ISG20: variants seen among roughly 807,000 people sequenced by gnomAD.
ISG20 encodes the protein interferon stimulated exonuclease gene 20.
ISG20 carries 8 observed loss-of-function variants against 11.1 expected under a neutral mutation model. The ratio of observed to expected loss-of-function variants is 0.72; its 90% CI spans 0.42 to 1.30. The LOEUF (loss-of-function observed/expected upper bound fraction) is 1.30. Among genes scored for constraint, ISG20 ranks in the 50% most tolerant of loss-of-function variants. ISG20 has a pLI of 0.01. For synonymous variants in ISG20, 110 were observed against 101.7 expected (o/e 1.08, Z -0.49); for missense variants, 243 against 250.2 (o/e 0.97, Z 0.19).
Position 88,639,496 on chromosome 15 carries a change from C to G in ISG20, c.130C>G (p.Arg44Gly). 1.2e-6 allele frequency: 2 copies of G among 1,614,188 alleles called. No individual in the cohort carries two copies. Among genetic ancestry groups the G allele is most frequent in the Non-Finnish European group, 1.7e-6 (2 of 1,180,032 alleles). ...HGAVLYDKFI[R>G]PEGEITDYRT... ...TGCTGTGCTGTACGACAAGTTCATC[C>G]GGCCTGAGGGAGAGATCACCGATTA... Residue 44 changes from arginine (R) to glycine (G), a missense_variant, in exon 2 of 4, where the codon CGG becomes GGG. Physicochemically the swap from Arg to Gly is moderately radical, Grantham distance 125. Coordinates refer to ENST00000306072, the MANE Select transcript of ISG20 (RefSeq NM_002201.6). This position sits in a 1 kb window ranked among gnomAD's most constrained non-coding sequence, Gnocchi z 4.2.
chr15:88,643,300 T>C lies in ISG20; in HGVS notation c.228+3706T>C, dbSNP rs2058112979. On this transcript the variant is annotated intron_variant, in intron 2 of 3. Transcript: ENST00000306072. The surrounding 1 kb of genome is among the most constrained non-coding windows in gnomAD (Gnocchi z 4.4). ...ATGTCTCAATAACTTTTATATTGAT[T>C]ACCTGTTGAAATGATAGTATTTTGG... Among the ~76,000 whole-genome samples the C allele has an allele frequency of 2.6e-5, 4 of 152,226 alleles. No individual in the cohort carries two copies. The highest frequency in any genetic ancestry group is 2.4e-5 in the African/African-American group (1 of 41,462).
intron 2 of ISG20, chr15:88,648,500 G>C (rs1026174421): frequency 2.6e-5 from 4 of 152,372 alleles, no homozygotes; most frequent in African/African-American, 9.6e-5. Flanking sequence ...TGTGACCTGG[G>C]TGCACACCGC....
chr15:88,655,117 G>A (rs924984112), intron 3 of ISG20, among the ~76,000 whole-genome samples: 12 of 152,230 alleles, frequency 7.9e-5, no homozygotes, highest in African/African-American at 1.4e-4. Flanking sequence ...CAGCCACTGC[G>A]TGTGTCTGAC....
chr15:88,643,450 T>C lies in ISG20; in HGVS notation c.228+3856T>C, dbSNP rs945746265. Among the ~76,000 whole-genome samples, 1 of 152,296 alleles carries C rather than the reference T, an allele frequency of 6.6e-6. No individual in the cohort carries two copies. Among genetic ancestry groups the C allele is most frequent in the South Asian group, 2.1e-4 (1 of 4,824 alleles). On this transcript the variant is annotated intron_variant, in intron 2 of 3. Transcript: ENST00000306072. This position sits in a 1 kb window ranked among gnomAD's most constrained non-coding sequence, Gnocchi z 4.4. ...CAGGTGCAGTGGTTCACACCTGTAA[T>C]CTCAGCACTTTGGGAGGCTGAGGCA...
rs1156960199 is a variant in ISG20 at position 88,643,599 on chromosome 15, G to A, written c.228+4005G>A. Among the ~76,000 whole-genome samples the A allele has an allele frequency of 6.6e-6, 1 of 152,134 alleles. No homozygotes were observed. On this transcript the variant is annotated intron_variant, in intron 2 of 3. Transcript: ENST00000306072. The surrounding 1 kb of genome is among the most constrained non-coding windows in gnomAD (Gnocchi z 4.4). ...GGTGCCTGTAATCCAAGCTACTCAG[G>A]AGGCTGACGCAGGAGAATCGCTTAA...
Position 88,650,338 on chromosome 15 carries a change from C to T in ISG20, c.229-1772C>T, listed in dbSNP as rs566650314. 41 of 1,535,360 alleles carry T rather than the reference C, an allele frequency of 2.7e-5. 1 individual carries two copies. Among genetic ancestry groups the T allele is most frequent in the South Asian group, 8.3e-5 (7 of 84,036 alleles). ...TCCATGTGGGAGGCGAGGCGAGGAA[C>T]GCGGGGCTGGGGCAGTCACAGCTGG... On this transcript the variant is annotated intron_variant, in intron 2 of 3. Coordinates refer to ENST00000306072, the MANE Select transcript of ISG20 (RefSeq NM_002201.6). The surrounding 1 kb of genome is among the most constrained non-coding windows in gnomAD (Gnocchi z 4.0).
chr15:88,649,621 T>G (rs1169320676), intron 2 of ISG20: 1 of 153,566 alleles, frequency 6.5e-6, no homozygotes, highest in East Asian at 1.9e-4. Flanking sequence ...GTGCCATTTC[T>G]GCCCGCCGCT....
At chr15:88,646,157 C>G (rs1475462003) in intron 2 of ISG20, among the ~76,000 whole-genome samples, 1 of 152,170 alleles carries the variant, frequency 6.6e-6, no homozygotes, top group Non-Finnish European at 1.5e-5. Context: ...TGTCCTCTAG[C>G]TTGTTGCTCA....
chr15:88,652,049 C>T, intron 2 of ISG20, 61 bp from the exon 3 acceptor site: 1 of 1,606,814 alleles, frequency 6.2e-7, no homozygotes, highest in East Asian at 2.2e-5. Context: ...CCCTTGCCAG[C>T]CCCAGCCCCA....
chr15:88,639,507 A>G lies in ISG20; in HGVS notation c.141A>G (p.Gly47=). 1 of 1,614,096 alleles carries G rather than the reference A, an allele frequency of 6.2e-7. No homozygotes were observed. The highest frequency in any genetic ancestry group is 8.5e-7 in the Non-Finnish European group (1 of 1,180,002). The change falls in exon 2 of 4, where the codon GGA becomes GGG. Residue 47 remains glycine, a synonymous_variant. Coordinates refer to ENST00000306072, the MANE Select transcript of ISG20 (RefSeq NM_002201.6). The surrounding 1 kb of genome is among the most constrained non-coding windows in gnomAD (Gnocchi z 4.2). ...ACGACAAGTTCATCCGGCCTGAGGG[A>G]GAGATCACCGATTACAGAACCCGGG... ...VLYDKFIRPE[G]EITDYRTRVS...
intron 2 of ISG20, among the ~76,000 whole-genome samples, chr15:88,645,474 C>T (rs12442205): frequency 0.32 from 48,897 of 151,850 alleles, 8,335 homozygotes; most frequent in East Asian, 0.58. Context: ...TGCTCTCTCC[C>T]ACTCTGCTGC....
rs186938198 is a variant in ISG20, at chr15:88,643,010, G to A, written c.228+3416G>A. ...AGGCCAGTGCAGAAGGATGGCTTGA[G>A]CCCAGGAGTTTGAGACCAGCCTGGG... On this transcript the variant is annotated intron_variant, in intron 2 of 3. Coordinates refer to ENST00000306072, the MANE Select transcript of ISG20 (RefSeq NM_002201.6). This position sits in a 1 kb window ranked among gnomAD's most constrained non-coding sequence, Gnocchi z 4.4. 8.2e-3 allele frequency among the ~76,000 whole-genome samples: 1,243 copies of A among 152,234 alleles called. 10 individuals carry two copies. Among genetic ancestry groups the A allele is most frequent in the South Asian group, 0.02 (96 of 4,830 alleles).
Position 88,639,097 on chromosome 15 carries a change from A to AGCAGGTGAGAGCGGGAGCTGGAGCC in ISG20, c.-25+25_-25+26insGTGAGAGCGGGAGCTGGAGCCGCAG. On this transcript the variant is annotated intron_variant, in intron 1 of 3. Coordinates refer to ENST00000306072, the MANE Select transcript of ISG20 (RefSeq NM_002201.6). This position sits in a 1 kb window ranked among gnomAD's most constrained non-coding sequence, Gnocchi z 4.2. Reference sequence around the variant, plus strand: ...GGCAGGTGAGAGCGGGAGCTGGAGCAGCAGCTGGGGAGGCAGCGGGAGGGG... The same window carrying AGCAGGTGAGAGCGGGAGCTGGAGCC: ...GGCAGGTGAGAGCGGGAGCTGGAGCAGCAGGTGAGAGCGGGAGCTGGAGCCGCAGCTGGGGAGGCAGCGGGAGGGG... The AGCAGGTGAGAGCGGGAGCTGGAGCC allele has an allele frequency of 1.8e-6, 1 of 544,770 alleles. No individual in the cohort carries two copies. Among genetic ancestry groups the AGCAGGTGAGAGCGGGAGCTGGAGCC allele is most frequent in the Non-Finnish European group, 3.3e-6 (1 of 306,648 alleles). The allele number at this position is 544,770 out of a possible 1,614,324, so 33.7% of individuals were successfully genotyped here.
At chr15:88,648,723 C>G (rs1184529651) in intron 2 of ISG20, 1 of 152,230 alleles carries the variant, frequency 6.6e-6, no homozygotes, top group African/African-American at 2.4e-5. Context: ...TCTCTCTGAT[C>G]TCGGGCTCCC....
At chr15:88,654,963 T>C (rs190995135) in intron 3 of ISG20, among the ~76,000 whole-genome samples, 46 of 152,068 alleles carry the variant, frequency 3.0e-4, no homozygotes, top group Non-Finnish European at 6.2e-4. Flanking sequence ...CTGCACATGC[T>C]CTCCCTGCCT....
intron 2 of ISG20, 53 bp from the exon 3 acceptor site, chr15:88,652,057 C>A: frequency 6.2e-7 from 1 of 1,610,258 alleles, no homozygotes; most frequent in Admixed American, 1.7e-5. Context: ...AGCCCCAGCC[C>A]CACCCAGAAG....
At chr15:88,646,603 C>A (rs1260256681) in intron 2 of ISG20, among the ~76,000 whole-genome samples, 1 of 152,142 alleles carries the variant, frequency 6.6e-6, no homozygotes, top group Non-Finnish European at 1.5e-5. Context: ...TCCCATTTAT[C>A]ATCCATAATG....
At chr15:88,642,991 G>A (rs71408891) in intron 2 of ISG20, among the ~76,000 whole-genome samples, 67,256 of 151,912 alleles carry the variant, frequency 0.44, 15,265 homozygotes, top group Non-Finnish European at 0.48. Flanking sequence ...TGGGAGGCCA[G>A]TGCAGAAGGA....
At chr15:88,649,932 C>G in intron 2 of ISG20, 1 of 399,948 alleles carries the variant, frequency 2.5e-6, no homozygotes, top group Non-Finnish European at 4.7e-6. Context: ...CAGACTGCTT[C>G]CCGCATAGTG....
Sources: allele counts gnomAD v4.1 joint callset (sites outside exome capture counted in the v4.1 genomes callset), GRCh38; gene constraint gnomAD v4.1.1; non-coding constraint Gnocchi (gnomAD v3.1); transcripts MANE v1.5; gene names NCBI Gene and HGNC (gene_info 2026-07-23, HGNC 2026-07-21).